RBM25: variants seen among roughly 807,000 people sequenced by gnomAD.
RBM25 encodes the protein RNA binding motif protein 25, also known as RNA-binding protein 25.
In RBM25, 19 loss-of-function variants were observed where a neutral mutation model predicts 120.7. That is an observed-to-expected ratio of 0.16 (90% confidence interval 0.11 to 0.23). The LOEUF is 0.23. Among genes scored for constraint, RBM25 ranks in the 10% least tolerant of loss-of-function variants. The pLI is 1.00. For synonymous variants in RBM25, 390 were observed against 326.7 expected (o/e 1.19, Z -2.09); for missense variants, 605 against 1,041.5 (o/e 0.58, Z 5.77).
Position 73,103,496 on chromosome 14 carries a change from T to C in RBM25, c.1154+18T>C, listed in dbSNP as rs763245291. ...CGATCAAGGTAAGGCTTTACAGAAG[T>C]TACTGTTTCCTGATAGCTTTAAGAA... On this transcript the variant is annotated intron_variant, in intron 10 of 18. Coordinates refer to ENST00000261973, the MANE Select transcript of RBM25 (RefSeq NM_021239.3). 3.9e-6 allele frequency: 6 copies of C among 1,550,604 alleles called. No homozygotes were observed. Among genetic ancestry groups the C allele is most frequent in the Non-Finnish European group, 5.2e-6 (6 of 1,151,724 alleles).
At chr14:73,112,922 G>C (rs1401471016) in intron 17 of RBM25, among the ~76,000 whole-genome samples, 1 of 151,980 alleles carries the variant, frequency 6.6e-6, no homozygotes, top group Non-Finnish European at 1.5e-5. Context: ...TCCTGCCTTA[G>C]TATCCTGAGA....
chr14:73,079,303 A>G (rs888147609), intron 4 of RBM25, among the ~76,000 whole-genome samples: 2 of 150,556 alleles, frequency 1.3e-5, no homozygotes, highest in African/African-American at 4.8e-5. Context: ...GGTGCCTGCA[A>G]TCCCAACTAC....
rs1566603600 is a variant in RBM25, at chr14:73,117,209, TC to T, written c.2440-2503del. 1.1e-3 allele frequency among the ~76,000 whole-genome samples: 129 copies of T among 112,924 alleles called. 4 individuals carry two copies. The highest frequency in any genetic ancestry group is 4.2e-3 in the African/African-American group (120 of 28,318). 74.1% of individuals were successfully genotyped at this position (112,924 alleles called of 152,430 possible). A position where few individuals can be genotyped will look rare whatever the true frequency, so the allele number is the denominator to read the frequency against. ...CTTTCTTTTAATTTCTTTCTTCTTT[TC>T]TTTTTTTTTTTTTTTTTTTTTTTTT... On this transcript the variant is annotated intron_variant, in intron 18 of 18. Transcript: ENST00000261973.
At chr14:73,102,206 T>C (rs1374473170) in intron 9 of RBM25, 2 of 152,236 alleles carry the variant, frequency 1.3e-5, no homozygotes, top group Non-Finnish European at 2.9e-5. Context: ...AAGGGATAAA[T>C]GTGTTTTGTT....
At chr14:73,080,534 CT>C (rs911648686) in intron 4 of RBM25, among the ~76,000 whole-genome samples, 1 of 151,870 alleles carries the variant, frequency 6.6e-6, no homozygotes, top group African/African-American at 2.4e-5. Context: ...TCTTACACAT[CT>C]TTTTTAACAA....
chr14:73,101,799 A>T (rs553611317), intron 9 of RBM25: 1 of 152,302 alleles, frequency 6.6e-6, no homozygotes, highest in East Asian at 1.9e-4. Context: ...GGTAAGTTTT[A>T]TATAGTCTAG....
chr14:73,071,513 G>A (rs893505152), intron 1 of RBM25, 114 bp from the exon 2 acceptor site: 1 of 721,270 alleles, frequency 1.4e-6, no homozygotes, highest in African/African-American at 1.8e-5. Flanking sequence ...AATTTCTTTG[G>A]GTAAGAAAAG....
rs1029029649 is a variant in RBM25 at position 73,088,226 on chromosome 14, T to C, written c.543+65T>C. ...TGCTATTTCAGTGTAGTGCTTCTCA[T>C]TATAAATGAATCTAATATGGGGCTT... On this transcript the variant is annotated intron_variant, in intron 6 of 18. Transcript: ENST00000261973. 8.9e-6 allele frequency: 14 copies of C among 1,575,108 alleles called. No individual in the cohort carries two copies. The African/African-American group carries it at 1.8e-4, about 20-fold the overall frequency.
intron 10 of RBM25, among the ~76,000 whole-genome samples, chr14:73,103,948 TCACACACACACACACA>T (rs368961634): frequency 1.2e-4 from 11 of 91,342 alleles, no homozygotes; most frequent in African/African-American, 3.6e-4. Flanking sequence ...TCTCTCTCTC[TCACACACACACACACA>T]CACACACACA....
intron 14 of RBM25, 76 bp downstream of exon 14, chr14:73,109,568 C>T (rs1252246223): frequency 2.7e-5 from 38 of 1,394,158 alleles, no homozygotes; most frequent in South Asian, 1.5e-4. Flanking sequence ...CCGAGGCGGG[C>T]GGATCACGAG....
intron 18 of RBM25, 44 bp downstream of exon 18, chr14:73,114,377 A>G: frequency 6.9e-7 from 1 of 1,458,652 alleles, no homozygotes; most frequent in Non-Finnish European, 9.3e-7. Context: ...AATTTAAAAA[A>G]AGTTTTTGGT....
intron 12 of RBM25, 129 bp downstream of exon 12, chr14:73,106,414 G>A (rs977052413): frequency 1.3e-6 from 1 of 792,184 alleles, no homozygotes; most frequent in Non-Finnish European, 1.8e-6. Context: ...TAATTTTTAT[G>A]TATTTTGAGT....
intron 6 of RBM25, 51 bp downstream of exon 6, chr14:73,088,212 TG>T: frequency 6.3e-7 from 1 of 1,597,498 alleles, no homozygotes; most frequent in Non-Finnish European, 8.6e-7. Context: ...GCTATTTCAG[TG>T]TAGTGCTTCT....
chr14:73,106,127 A>G (rs1443711436), intron 11 of RBM25, 46 bp downstream of exon 11: 1 of 1,589,444 alleles, frequency 6.3e-7, no homozygotes, highest in South Asian at 1.2e-5. Flanking sequence ...GTATCCCTTA[A>G]TAGGTTAATC....
Position 73,087,496 on chromosome 14 carries a change from C to T in RBM25, c.383-505C>T, listed in dbSNP as rs376331810. Among the ~76,000 whole-genome samples the T allele has an allele frequency of 1.2e-3, 181 of 151,784 alleles. 1 individual carries two copies. Among genetic ancestry groups the T allele is most frequent in the African/African-American group, 4.2e-3 (173 of 41,402 alleles). On this transcript the variant is annotated intron_variant, in intron 5 of 18. Transcript: ENST00000261973. ...CTGCAACCTCCGCCTCCTGGGTTCA[C>T]GCCATACTCCTGCCTCAGCCTCCCA...
intron 4 of RBM25, among the ~76,000 whole-genome samples, chr14:73,079,997 C>T (rs1171329158): frequency 6.7e-6 from 1 of 150,126 alleles, no homozygotes; most frequent in East Asian, 1.9e-4. Context: ...AATGTGTTTG[C>T]TCCTGTCTGC....
chr14:73,112,689 A>C (rs754892758), intron 17 of RBM25, among the ~76,000 whole-genome samples: 1 of 152,192 alleles, frequency 6.6e-6, no homozygotes, highest in Non-Finnish European at 1.5e-5. Flanking sequence ...GATAGGATCA[A>C]AATAGTTCCT....
At chr14:73,092,530 G>A (rs763606259) in intron 6 of RBM25, among the ~76,000 whole-genome samples, 31 of 151,044 alleles carry the variant, frequency 2.1e-4, no homozygotes, top group Non-Finnish European at 3.8e-4. Flanking sequence ...TTGTCTAGGG[G>A]AGCAACATAT....
At chr14:73,108,556 G>A (rs2140460208) in intron 13 of RBM25, among the ~76,000 whole-genome samples, 1 of 152,224 alleles carries the variant, frequency 6.6e-6, no homozygotes, top group African/African-American at 2.4e-5. Context: ...TCTAGTATTT[G>A]TGACATTATG....
Sources: gnomAD v4.1 joint callset for allele counts (sites outside exome capture counted in the v4.1 genomes callset) on GRCh38, gnomAD v4.1.1 for gene constraint, MANE v1.5 for transcripts, NCBI Gene and HGNC (gene_info 2026-07-23, HGNC 2026-07-21) for gene names.